Variants in TRPM3 observed in about 807,000 individuals in gnomAD.
TRPM3 encodes the protein long transient receptor potential channel 3.
Under a neutral mutation model 181.2 loss-of-function variants are expected in TRPM3, and 77 were observed. The ratio of observed to expected loss-of-function variants is 0.42; its 90% CI spans 0.35 to 0.51. TRPM3 has a LOEUF of 0.51. Among genes scored for constraint, TRPM3 ranks in the 20% least tolerant of loss-of-function variants. TRPM3 has a pLI of 0.01. For synonymous variants in TRPM3, 745 were observed against 796.4 expected, an observed-to-expected ratio of 0.94 and a Z score of 1.09; for missense variants, 1,759 against 2,196.7, an observed-to-expected ratio of 0.80 and a Z score of 3.98.
At chr9:71,282,123 AGAAC>A (rs796802916) in intron 1 of TRPM3, among the ~76,000 whole-genome samples, 1,284 of 97,192 alleles carry the variant, frequency 0.013, 32 homozygotes, top group Middle Eastern at 0.069. Context: ...AGAAAAAGAA[AGAAC>A]GAAAGAAAGA....
chr9:71,021,865 C>A (rs2134514878), intron 1 of TRPM3, among the ~76,000 whole-genome samples: 1 of 152,122 alleles, frequency 6.6e-6, no homozygotes, highest in South Asian at 2.1e-4. Context: ...TATATCACAG[C>A]AGAAGGTAAA....
At position 70,536,329 on chromosome 9, in the gene TRPM3, T is replaced by A. The variant is rs775650485; in HGVS notation, c.4784A>T (p.His1595Leu). Residue 1595 changes from histidine (H) to leucine (L), a missense_variant, in exon 26 of 26, where the codon CAT (histidine) becomes CTT (leucine). Transcript: ENST00000677713. ...GDKVEDLTCC[H>L]PEREAELSHP... ...ACTCAGTTCTGCTTCTCGCTCTGGA[T>A]GGCAGCAAGTTAAGTCCTCCACTTT... 1.2e-6 allele frequency: 2 copies of A among 1,614,010 alleles called. No individual in the cohort carries two copies. Among genetic ancestry groups the A allele is most frequent in the East Asian group, 4.5e-5 (2 of 44,858 alleles).
chr9:71,084,020 G>A (rs1351674507), intron 1 of TRPM3, among the ~76,000 whole-genome samples: 1 of 151,948 alleles, frequency 6.6e-6, no homozygotes, highest in Non-Finnish European at 1.5e-5. Flanking sequence ...GAAGTGATGT[G>A]TACTCAGTCT....
chr9:70,946,586 G>T (rs1329254109), intron 1 of TRPM3, among the ~76,000 whole-genome samples: 2 of 152,062 alleles, frequency 1.3e-5, no homozygotes, highest in African/African-American at 4.8e-5. Flanking sequence ...GTGGGCAACA[G>T]GACTTTTTAA....
intron 1 of TRPM3, among the ~76,000 whole-genome samples, chr9:71,442,634 G>C (rs1449961143): frequency 6.6e-6 from 1 of 152,152 alleles, no homozygotes; most frequent in Non-Finnish European, 1.5e-5. Flanking sequence ...GGTTAAAAAG[G>C]AGAGCATATA....
At chr9:71,345,934 C>A (rs966020347) in intron 1 of TRPM3, among the ~76,000 whole-genome samples, 2 of 152,142 alleles carry the variant, frequency 1.3e-5, no homozygotes, top group African/African-American at 4.8e-5. Context: ...TGTGGACCAA[C>A]TGGAAGTCTT....
At chr9:70,777,413 A>G (rs1284430034) in intron 7 of TRPM3, among the ~76,000 whole-genome samples, 1 of 152,070 alleles carries the variant, frequency 6.6e-6, no homozygotes, top group Non-Finnish European at 1.5e-5. Context: ...AATTTTTTTT[A>G]AAGTCAATGC....
At chr9:70,580,620 A>G (rs773416440) in intron 22 of TRPM3, among the ~76,000 whole-genome samples, 1 of 152,170 alleles carries the variant, frequency 6.6e-6, no homozygotes, top group Non-Finnish European at 1.5e-5. Context: ...TCTGGCCCCC[A>G]TATGCCCACA....
chr9:71,217,936 G>A (rs989465594), intron 1 of TRPM3, among the ~76,000 whole-genome samples: 2 of 152,136 alleles, frequency 1.3e-5, no homozygotes, highest in Non-Finnish European at 2.9e-5. Context: ...GGAAAAGACC[G>A]AATCACTGTT....
chr9:70,591,044 C>T lies in TRPM3; in HGVS notation c.3210G>A (p.Ala1070=), dbSNP rs116330117. ...PYWMIYGEVF[A]DQIDPPCGQN... ...AAACTTGCTTACGGTCTATCTGGTC[C>T]GCAAACACTTCCCCATAAATCATCC... is the stretch of plus-strand genomic sequence containing the variant. Residue 1070 remains alanine, a synonymous_variant, in exon 22 of 26, where the codon GCG becomes GCA. Transcript: ENST00000677713. The T allele has an allele frequency of 7.0e-4, 1,129 of 1,614,100 alleles. 1 individual carries two copies. In the African/African-American group the frequency reaches 8.1e-3, roughly 12 times the overall value.
chr9:71,286,437 A>T (rs961622186), intron 1 of TRPM3, among the ~76,000 whole-genome samples: 4 of 152,196 alleles, frequency 2.6e-5, no homozygotes, highest in Non-Finnish European at 4.4e-5. Flanking sequence ...AACCCAGAGA[A>T]TCTAGCCCAT....
intron 1 of TRPM3, among the ~76,000 whole-genome samples, chr9:71,011,784 T>A (rs1205618937): frequency 3.0e-5 from 4 of 133,502 alleles, no homozygotes; most frequent in Admixed American, 2.3e-4. Context: ...TTTTTTTTGT[T>A]TTTTTGTTTT....
chr9:70,536,948 G>C lies in TRPM3; in HGVS notation c.4165C>G (p.Pro1389Ala). The C allele has an allele frequency of 6.2e-7, 1 of 1,614,192 alleles. No individual in the cohort carries two copies. Among genetic ancestry groups the C allele is most frequent in the South Asian group, 1.1e-5 (1 of 91,080 alleles). Residue 1389 changes from proline to alanine, a missense_variant, in exon 26 of 26, where the codon CCC (proline) becomes GCC (alanine). This residue lies in a region of TRPM3 where 612 missense variants were observed against 590.0 expected (regional missense o/e 1.04). Transcript: ENST00000677713. Reference protein sequence around the residue: ...ATSSHSVAKEPKAPAAPANTL... With the variant: ...ATSSHSVAKEAKAPAAPANTL... ...TTGGCAGGGGCTGCAGGAGCTTTGG[G>C]TTCTTTTGCTACAGAGTGGGAACTA...
intron 1 of TRPM3, among the ~76,000 whole-genome samples, chr9:71,355,643 G>A (rs1359417116): frequency 6.6e-6 from 1 of 152,124 alleles, no homozygotes; most frequent in Non-Finnish European, 1.5e-5. Flanking sequence ...GAGGCCATGT[G>A]ACTATTTCTC....
At chr9:71,007,275 C>G (rs1448869570) in intron 1 of TRPM3, among the ~76,000 whole-genome samples, 1 of 151,942 alleles carries the variant, frequency 6.6e-6, no homozygotes, top group Non-Finnish European at 1.5e-5. Flanking sequence ...GGGTACTTCA[C>G]CACCCTACTT....
intron 1 of TRPM3, among the ~76,000 whole-genome samples, chr9:71,369,082 C>T (rs1048413883): frequency 6.6e-6 from 1 of 151,904 alleles, no homozygotes; most frequent in East Asian, 1.9e-4. Context: ...AATAATCTTA[C>T]TAGCTATTTT....
chr9:70,901,698 T>A (rs2096389268), intron 1 of TRPM3, among the ~76,000 whole-genome samples: 1 of 152,172 alleles, frequency 6.6e-6, no homozygotes, highest in African/African-American at 2.4e-5. Flanking sequence ...AAAGATCAAT[T>A]GACTTTGAAA....
At chr9:70,955,181 C>T (rs559563935) in intron 1 of TRPM3, among the ~76,000 whole-genome samples, 20 of 151,782 alleles carry the variant, frequency 1.3e-4, no homozygotes, top group East Asian at 3.9e-4. Flanking sequence ...CTTTGAGAGA[C>T]GAAAAAAAAG....
intron 1 of TRPM3, among the ~76,000 whole-genome samples, chr9:71,120,274 T>C (rs769290553): frequency 1.3e-4 from 20 of 152,218 alleles, no homozygotes; most frequent in East Asian, 7.7e-4. Context: ...CGAATGGATA[T>C]AGAACATCAG....
Sources: allele counts gnomAD v4.1 joint callset (sites outside exome capture counted in the v4.1 genomes callset), GRCh38; gene constraint gnomAD v4.1.1; regional missense constraint gnomAD v4.1.1; transcripts MANE v1.5; gene names NCBI Gene and HGNC (gene_info 2026-07-23, HGNC 2026-07-21).